The following SNX29 variants were observed in gnomAD, a reference collection of about 807,000 sequenced individuals.
The protein encoded by SNX29 is sorting nexin-29.
In SNX29, 78 loss-of-function variants were observed where a neutral mutation model predicts 102.1. The ratio of observed to expected loss-of-function variants is 0.76; its 90% CI spans 0.64 to 0.92. SNX29 has a LOEUF of 0.92. Among genes scored for constraint, SNX29 ranks in the 40% least tolerant of loss-of-function variants. SNX29 has a pLI of 0.00. For synonymous variants in SNX29, 580 were observed against 414.5 expected, an observed-to-expected ratio of 1.40 and a Z score of -4.85; for missense variants, 1,280 against 1,061.7, an observed-to-expected ratio of 1.21 and a Z score of -2.86.
chr16:12,155,414 C>G (rs531869586), intron 13 of SNX29, among the ~76,000 whole-genome samples: 2 of 152,092 alleles, frequency 1.3e-5, no homozygotes, highest in Non-Finnish European at 2.9e-5. Context: ...CTTGAGAGCA[C>G]GGGGATGAGG....
Position 12,130,215 on chromosome 16 carries a change from A to G in SNX29, c.1595+457A>G, listed in dbSNP as rs1274323073. ...AAAAAAGCCGGGCATGATGGCTGAC[A>G]CCTGTAATCCCAACACTTTGGGAGG... On this transcript the variant is annotated intron_variant, in intron 13 of 20. Transcript: ENST00000566228. Among the ~76,000 whole-genome samples, 9 of 148,060 alleles carry G rather than the reference A, an allele frequency of 6.1e-5. No homozygotes were observed. In the East Asian group the frequency reaches 1.0e-3, roughly 17 times the overall value.
At chr16:12,516,048 G>A (rs777308761) in intron 19 of SNX29, among the ~76,000 whole-genome samples, 1 of 152,138 alleles carries the variant, frequency 6.6e-6, no homozygotes, top group Non-Finnish European at 1.5e-5. Flanking sequence ...GCCTAGACGT[G>A]GCCTGCCCCA....
intron 13 of SNX29, among the ~76,000 whole-genome samples, chr16:12,180,164 T>C (rs1316574435): frequency 6.6e-6 from 1 of 152,158 alleles, no homozygotes; most frequent in Non-Finnish European, 1.5e-5. Flanking sequence ...CCTTTCTTCA[T>C]ATCCTTTTCT....
At chr16:12,214,479 C>T (rs887271650) in intron 14 of SNX29, among the ~76,000 whole-genome samples, 1 of 152,146 alleles carries the variant, frequency 6.6e-6, no homozygotes, top group Non-Finnish European at 1.5e-5. Flanking sequence ...TTTTAAGTTT[C>T]TAATTGCAGC....
chr16:12,537,430 A>C (rs1438719560), intron 20 of SNX29, among the ~76,000 whole-genome samples: 2 of 152,226 alleles, frequency 1.3e-5, no homozygotes, highest in Non-Finnish European at 2.9e-5. Flanking sequence ...GCTCAACTAC[A>C]TAGCAGCCTT....
intron 13 of SNX29, among the ~76,000 whole-genome samples, chr16:12,151,117 T>A (rs1454170794): frequency 6.6e-6 from 1 of 152,232 alleles, no homozygotes; most frequent in African/African-American, 2.4e-5. Flanking sequence ...TAACAGCCCC[T>A]GTGTACCCAT....
chr16:12,016,993 C>G (rs1050769200), intron 3 of SNX29, among the ~76,000 whole-genome samples: 1 of 151,744 alleles, frequency 6.6e-6, no homozygotes, highest in African/African-American at 2.4e-5. Flanking sequence ...AATTAACTGA[C>G]CGTGGTAGCG....
intron 11 of SNX29, among the ~76,000 whole-genome samples, chr16:12,089,579 G>A (rs944904737): frequency 6.6e-6 from 1 of 152,176 alleles, no homozygotes; most frequent in Non-Finnish European, 1.5e-5. Context: ...AGATGTCAGC[G>A]GGGCTGAGGT....
intron 14 of SNX29, among the ~76,000 whole-genome samples, chr16:12,258,187 A>G (rs566991921): frequency 4.6e-5 from 7 of 152,112 alleles, no homozygotes; most frequent in Admixed American, 1.3e-4. Flanking sequence ...CATCCTGAGA[A>G]TAAGATATGA....
intron 14 of SNX29, among the ~76,000 whole-genome samples, chr16:12,209,660 A>G (rs60374456): frequency 7.7e-4 from 117 of 152,288 alleles, no homozygotes; most frequent in African/African-American, 2.1e-3. Flanking sequence ...TGACTGCTCT[A>G]TAGTCTCATC....
At chr16:12,024,899 C>T (rs1180917799) in intron 3 of SNX29, among the ~76,000 whole-genome samples, 1 of 152,060 alleles carries the variant, frequency 6.6e-6, no homozygotes, top group Admixed American at 6.6e-5. Flanking sequence ...TTTTTTCTCT[C>T]TGAGACAGAC....
intron 13 of SNX29, among the ~76,000 whole-genome samples, chr16:12,146,354 C>T (rs1340188974): frequency 6.6e-6 from 1 of 152,118 alleles, no homozygotes; most frequent in East Asian, 1.9e-4. Context: ...CAACCCCCAC[C>T]TTCCAGGTTC....
intron 18 of SNX29, among the ~76,000 whole-genome samples, chr16:12,476,293 A>T (rs2087590403): frequency 7.4e-6 from 1 of 135,060 alleles, no homozygotes; most frequent in African/African-American, 2.7e-5. Flanking sequence ...CAGCCTGGGC[A>T]ACAGAGTGAG....
intron 14 of SNX29, among the ~76,000 whole-genome samples, chr16:12,272,299 A>G (rs926200339): frequency 4.6e-5 from 7 of 152,098 alleles, no homozygotes; most frequent in African/African-American, 1.4e-4. Context: ...AGATGTGTGG[A>G]CTTGAAGCGG....
At chr16:12,156,456 C>T (rs2055554584) in intron 13 of SNX29, among the ~76,000 whole-genome samples, 1 of 152,326 alleles carries the variant, frequency 6.6e-6, no homozygotes, top group African/African-American at 2.4e-5. Flanking sequence ...CAGGCGTGAG[C>T]CTTGTTGGCC....
chr16:12,529,902 G>C (rs373008650), intron 20 of SNX29, among the ~76,000 whole-genome samples: 2 of 152,172 alleles, frequency 1.3e-5, no homozygotes, highest in East Asian at 1.9e-4. Context: ...GGACTGGCCA[G>C]AACCTTCCAG....
intron 18 of SNX29, chr16:12,443,272 C>T: frequency 4.1e-6 from 1 of 242,286 alleles, no homozygotes; most frequent in Non-Finnish European, 8.4e-6. Flanking sequence ...TAGAGGGGCC[C>T]ACGCTGTTCC....
intron 15 of SNX29, among the ~76,000 whole-genome samples, chr16:12,302,527 T>C (rs939859847): frequency 2.0e-5 from 3 of 152,224 alleles, no homozygotes; most frequent in African/African-American, 7.2e-5. Context: ...ATAGAGGGCA[T>C]GTTCTTGCCA....
intron 11 of SNX29, among the ~76,000 whole-genome samples, chr16:12,091,213 G>T (rs1173249525): frequency 5.3e-5 from 8 of 152,080 alleles, no homozygotes; most frequent in Non-Finnish European, 1.2e-4. Context: ...AGGCTTTGCT[G>T]AAGGTCATAC....
Sources: allele counts gnomAD v4.1 joint callset (sites outside exome capture counted in the v4.1 genomes callset), GRCh38; gene constraint gnomAD v4.1.1; transcripts MANE v1.5; gene names NCBI Gene and HGNC (gene_info 2026-07-23, HGNC 2026-07-21).